Variants in ZNF254 observed in about 807,000 individuals in gnomAD.
ZNF254 encodes the protein zinc finger protein 254, also known as CTD-2017D11.1.
In ZNF254, 10 loss-of-function variants were observed where a neutral mutation model predicts 12.4. That is an observed-to-expected ratio of 0.80 (90% confidence interval 0.50 to 1.36). The LOEUF is 1.36. ZNF254 is among the 40% of genes most tolerant of loss of function. ZNF254 has a pLI of 0.00. For missense variants in ZNF254, 996 were observed against 763.9 expected (o/e 1.30, Z -3.58); for synonymous variants, 305 against 253.4 (o/e 1.20, Z -1.93).
chr19:24,097,195 A>G lies in ZNF254; in HGVS notation c.31-8745A>G, dbSNP rs370311758. Among the ~76,000 whole-genome samples the G allele has an allele frequency of 1.9e-3, 284 of 152,284 alleles. 1 individual carries two copies. The highest frequency in any genetic ancestry group is 6.3e-3 in the African/African-American group (263 of 41,564). The stretch of plus-strand genomic sequence containing the variant: ...TAATTGCTCTTTTTTTGCTTTGGCA[A>G]GAGATTATTCTTATGATAGTCTTTT... On this transcript the variant is annotated intron_variant, in intron 1 of 3. Coordinates refer to ENST00000357002, the MANE Select transcript of ZNF254 (RefSeq NM_203282.4).
chr19:24,045,355 TC>T (rs1476539337), intron 1 of ZNF254, among the ~76,000 whole-genome samples: 2 of 151,960 alleles, frequency 1.3e-5, no homozygotes, highest in Non-Finnish European at 2.9e-5. Flanking sequence ...GGCTCCCCCC[TC>T]CCCTTGTAGA....
chr19:24,085,425 T>TATATATATATATAA (rs1419273967), upstream of ZNF254, among the ~76,000 whole-genome samples: 1 of 134,998 alleles, frequency 7.4e-6, no homozygotes, highest in African/African-American at 2.7e-5. Flanking sequence ...TATATATATA[T>TATATATATATATAA]AAAAACTAAG....
Position 24,087,207 on chromosome 19 carries a change from C to T in ZNF254, c.-101C>T, listed in dbSNP as rs1453099302. The T allele has an allele frequency of 2.0e-6, 3 of 1,531,362 alleles. No homozygotes were observed. The highest frequency in any genetic ancestry group is 2.7e-6 in the Non-Finnish European group (3 of 1,110,542). The allele number at this position is 1,531,362 out of a possible 1,614,324, so 94.9% of individuals were successfully genotyped here. Reference sequence around the variant, plus strand: ...GCGGGGCCTTTGTCTCTCGCTGTCGCCGGAGTCCCAGGTCTGTCTTCACTG... The same window carrying T: ...GCGGGGCCTTTGTCTCTCGCTGTCGTCGGAGTCCCAGGTCTGTCTTCACTG... On this transcript the variant is annotated 5_prime_UTR_variant, in exon 1 of 4. Coordinates refer to ENST00000357002, the MANE Select transcript of ZNF254 (RefSeq NM_203282.4).
At chr19:24,081,071 CT>C (rs1220982324) in intron 2 of ZNF254, among the ~76,000 whole-genome samples, 1 of 134,188 alleles carries the variant, frequency 7.5e-6, no homozygotes, top group African/African-American at 3.3e-5. Flanking sequence ...AGTGAGACTC[CT>C]TCTCAAAAAA....
chr19:24,116,457 C>G (rs185435564), intron 3 of ZNF254, among the ~76,000 whole-genome samples: 111 of 152,174 alleles, frequency 7.3e-4, no homozygotes, highest in Non-Finnish European at 1.3e-3. Flanking sequence ...CATCTTCTGT[C>G]ACTGATACCC....
intron 3 of ZNF254, among the ~76,000 whole-genome samples, chr19:24,111,707 T>C (rs1973693552): frequency 6.6e-6 from 1 of 152,250 alleles, no homozygotes. Context: ...TGGCCAGTGA[T>C]GATGAGCATT....
chr19:24,051,352 G>C (rs1337672926), intron 2 of ZNF254, among the ~76,000 whole-genome samples: 1 of 151,744 alleles, frequency 6.6e-6, no homozygotes, highest in African/African-American at 2.4e-5. Flanking sequence ...TAGAGATGAA[G>C]TTTCACCATG....
At chr19:24,051,992 C>T (rs1194056569) in intron 2 of ZNF254, among the ~76,000 whole-genome samples, 1 of 152,000 alleles carries the variant, frequency 6.6e-6, no homozygotes, top group Non-Finnish European at 1.5e-5. Context: ...CTTGGATGGG[C>T]CTTCCCCGGA....
Position 24,126,795 on chromosome 19 carries a change from C to G in ZNF254, c.795C>G (p.Leu265=), listed in dbSNP as rs1974883470. The stretch of plus-strand genomic sequence containing the variant: ...AAATAATTCATGCTGGAGAGAAACT[C>G]TACAAATGTGAAGAATGTGGTGAAG... ...THEIIHAGEK[L]YKCEECGEAF... The change falls in exon 4 of 4, where the codon CTC becomes CTG. Residue 265 remains leucine (L), a synonymous_variant. Coordinates refer to ENST00000357002, the MANE Select transcript of ZNF254 (RefSeq NM_203282.4). The G allele has an allele frequency of 6.2e-7, 1 of 1,613,170 alleles. No individual in the cohort carries two copies. The highest frequency in any genetic ancestry group is 8.5e-7 in the Non-Finnish European group (1 of 1,179,682).
At chr19:24,043,936 A>G (rs1970272663) in intron 1 of ZNF254, among the ~76,000 whole-genome samples, 1 of 152,178 alleles carries the variant, frequency 6.6e-6, no homozygotes, top group Non-Finnish European at 1.5e-5. Flanking sequence ...AAGTCAGATA[A>G]ATAGGGGTAA....
intron 2 of ZNF254, chr19:24,079,735 G>C (rs1599657171): frequency 1.3e-5 from 2 of 152,306 alleles, no homozygotes; most frequent in Admixed American, 1.3e-4. Flanking sequence ...TGAGGTATTG[G>C]CTTGCAACCC....
chr19:24,061,383 T>C (rs1035992021), intron 2 of ZNF254, among the ~76,000 whole-genome samples: 1 of 152,244 alleles, frequency 6.6e-6, no homozygotes, highest in Non-Finnish European at 1.5e-5. Context: ...ACCTCAGCCC[T>C]GTCCACAGGG....
chr19:24,071,073 A>T (rs953014593), intron 2 of ZNF254, among the ~76,000 whole-genome samples: 1 of 152,140 alleles, frequency 6.6e-6, no homozygotes. Context: ...ATAGGCAAGA[A>T]GGAAGGGAGA....
chr19:24,116,390 C>G (rs1472090378), intron 3 of ZNF254, among the ~76,000 whole-genome samples: 1 of 151,926 alleles, frequency 6.6e-6, no homozygotes, highest in Admixed American at 6.6e-5. Flanking sequence ...AGGCTTTTTT[C>G]AATTCTTTTT....
chr19:24,038,514 T>C (rs1040294568), intron 1 of ZNF254, among the ~76,000 whole-genome samples: 3 of 152,192 alleles, frequency 2.0e-5, no homozygotes, highest in African/African-American at 7.2e-5. Context: ...TTTTCTCTTC[T>C]CCAGTTGTGT....
At chr19:24,098,059 C>T (rs1221850089) in intron 1 of ZNF254, among the ~76,000 whole-genome samples, 1 of 152,020 alleles carries the variant, frequency 6.6e-6, no homozygotes, top group Non-Finnish European at 1.5e-5. Context: ...TATTGTGATT[C>T]ATACTTTTGA....
At chr19:24,116,952 AT>A (rs1161241307) in intron 3 of ZNF254, among the ~76,000 whole-genome samples, 1 of 152,132 alleles carries the variant, frequency 6.6e-6, no homozygotes, top group East Asian at 1.9e-4. Flanking sequence ...AGTTTGCTAG[AT>A]GTCCACTCCA....
At chr19:24,033,486 A>C (rs1301310143) in exon 1 of ZNF254, 1 of 193,528 alleles carries the variant, frequency 5.2e-6, no homozygotes, top group African/African-American at 2.4e-5. Flanking sequence ...CAGAGCTTGG[A>C]ATCCGTCTCT....
chr19:24,127,512 C>A lies in ZNF254; in HGVS notation c.1512C>A (p.Thr504=), dbSNP rs139349071. The change falls in exon 4 of 4, where the codon ACC becomes ACA. Residue 504 remains threonine (T), a synonymous_variant. Transcript: ENST00000357002. ...ECGKSFSQSS[T]LTTHKIIHTG... ...GCAAATCTTTTAGCCAATCCTCAACCCTTACTACACATAAGATAATTCATA... is the reference window on the plus strand; with the variant it reads ...GCAAATCTTTTAGCCAATCCTCAACACTTACTACACATAAGATAATTCATA... 2.0e-5 allele frequency: 32 copies of A among 1,610,110 alleles called. No homozygotes were observed. In the East Asian group the frequency reaches 6.5e-4, roughly 33 times the overall value.
Sources: allele counts gnomAD v4.1 joint callset (sites outside exome capture counted in the v4.1 genomes callset), GRCh38; gene constraint gnomAD v4.1.1; transcripts MANE v1.5; gene names NCBI Gene and HGNC (gene_info 2026-07-23, HGNC 2026-07-21).